PTPRN2: variants seen among roughly 807,000 people sequenced by gnomAD.
PTPRN2 encodes protein tyrosine phosphatase receptor type N2, also known as receptor-type tyrosine-protein phosphatase N2.
PTPRN2 carries 74 observed loss-of-function variants against 118.8 expected under a neutral mutation model. The observed-to-expected ratio is 0.62, with a 90% CI of 0.52 to 0.76. The LOEUF (loss-of-function observed/expected upper bound fraction) is 0.76, where lower values mean the gene tolerates loss of function less well. PTPRN2 is among the 30% of genes least tolerant of loss of function. The pLI, the probability that PTPRN2 is intolerant of heterozygous loss-of-function variation, is 0.00. For missense variants in PTPRN2, 1,481 were observed against 1,394.4 expected (o/e 1.06, Z -0.99); for synonymous variants, 641 against 608.0 (o/e 1.05, Z -0.80).
intron 14 of PTPRN2, among the ~76,000 whole-genome samples, chr7:157,648,990 C>T (rs1805389974): frequency 6.9e-6 from 1 of 145,824 alleles, no homozygotes; most frequent in South Asian, 2.3e-4. Context: ...ATCCACTGTG[C>T]ACTGAACTCG....
At chr7:158,260,035 G>A (rs560638847) in intron 3 of PTPRN2, among the ~76,000 whole-genome samples, 28 of 142,348 alleles carry the variant, frequency 2.0e-4, no homozygotes, top group Non-Finnish European at 3.4e-4. Context: ...ATGTATGTGC[G>A]TTTGTGTGTA....
In PTPRN2 at chr7:157,560,890, A is replaced by G. The variant is rs544672432; in HGVS notation, c.2902+8012T>C. The stretch of plus-strand genomic sequence containing the variant: ...AGACGTCTCCTGCTCAGCTTTCCCA[A>G]TTCTGCCCAGCCCTCGCGTCCCCCT... On this transcript the variant is annotated intron_variant, in intron 21 of 22. Coordinates refer to ENST00000389418, the MANE Select transcript of PTPRN2 (RefSeq NM_002847.5). This position sits in a 1 kb window ranked among gnomAD's most constrained non-coding sequence, Gnocchi z 6.7. Among the ~76,000 whole-genome samples, 6 of 152,154 alleles carry G rather than the reference A, an allele frequency of 3.9e-5. No individual in the cohort carries two copies. The South Asian group carries it at 1.2e-3, about 32-fold the overall frequency.
chr7:158,102,856 A>G (rs1275629960), intron 10 of PTPRN2, among the ~76,000 whole-genome samples: 2 of 152,106 alleles, frequency 1.3e-5, no homozygotes, highest in Non-Finnish European at 2.9e-5. Context: ...CACACGGCTA[A>G]TGTTCTGGGG....
At chr7:157,648,426 G>T (rs1805288580) in intron 14 of PTPRN2, among the ~76,000 whole-genome samples, 3 of 130,810 alleles carry the variant, frequency 2.3e-5, no homozygotes, top group Admixed American at 1.6e-4. Context: ...GAACTCGGTG[G>T]GTCGGACCCA....
intron 12 of PTPRN2, among the ~76,000 whole-genome samples, chr7:157,860,579 G>T (rs190068782): frequency 6.6e-6 from 1 of 152,352 alleles, no homozygotes; most frequent in African/African-American, 2.4e-5. Context: ...CTGTGTGAAC[G>T]CGTTTCCACG....
intron 12 of PTPRN2, among the ~76,000 whole-genome samples, chr7:157,843,057 A>T (rs921524138): frequency 6.6e-6 from 1 of 152,202 alleles, no homozygotes; most frequent in African/African-American, 2.4e-5. Flanking sequence ...CCCCTGTAAA[A>T]TTAAATGTCA....
At position 157,557,760 on chromosome 7, in the gene PTPRN2, T is replaced by A. The variant is rs1798978603; in HGVS notation, c.2903-8741A>T. Reference sequence around the variant, plus strand: ...GCATCTTATTCACTTGAAAATCAAGTAGATCAGAATCATAACAAACTAGCT... The same window carrying A: ...GCATCTTATTCACTTGAAAATCAAGAAGATCAGAATCATAACAAACTAGCT... On this transcript the variant is annotated intron_variant, in intron 21 of 22. Coordinates refer to ENST00000389418, the MANE Select transcript of PTPRN2 (RefSeq NM_002847.5). Among the ~76,000 whole-genome samples the A allele has an allele frequency of 3.3e-5, 5 of 152,262 alleles. No individual in the cohort carries two copies. The South Asian group carries it at 1.0e-3, about 32-fold the overall frequency.
rs569951127 is a variant in PTPRN2, at chr7:157,671,358, G to A, written c.2001+11367C>T. Among the ~76,000 whole-genome samples the A allele has an allele frequency of 9.2e-5, 14 of 152,318 alleles. No homozygotes were observed. Among genetic ancestry groups the A allele is most frequent in the Admixed American group, 8.5e-4 (13 of 15,312 alleles). ...CACCCTACACTGGAGGGATGGTGACGAGACGTCACCGCAGAGGCGGCAGAA... is the reference window on the plus strand; with the variant it reads ...CACCCTACACTGGAGGGATGGTGACAAGACGTCACCGCAGAGGCGGCAGAA... On this transcript the variant is annotated intron_variant, in intron 13 of 22. Coordinates refer to ENST00000389418, the MANE Select transcript of PTPRN2 (RefSeq NM_002847.5). The surrounding 1 kb of genome is among the most constrained non-coding windows in gnomAD (Gnocchi z 4.1).
chr7:158,239,346 C>T (rs953729986), intron 3 of PTPRN2, among the ~76,000 whole-genome samples: 8 of 152,196 alleles, frequency 5.3e-5, no homozygotes, highest in African/African-American at 1.9e-4. Context: ...GTTCAAGTTG[C>T]AGCCAGCAAG....
At chr7:158,470,042 A>G (rs1018916800) in intron 2 of PTPRN2, among the ~76,000 whole-genome samples, 3 of 152,194 alleles carry the variant, frequency 2.0e-5, no homozygotes, top group Admixed American at 2.0e-4. Flanking sequence ...CTAGTGCCTC[A>G]TAAAAGAATT....
intron 3 of PTPRN2, among the ~76,000 whole-genome samples, chr7:158,312,537 CA>C (rs1801916683): frequency 6.6e-6 from 1 of 150,874 alleles, no homozygotes; most frequent in East Asian, 2.0e-4. Flanking sequence ...CCTGCACACA[CA>C]TGTGCTCCAG....
At position 157,578,157 on chromosome 7, in the gene PTPRN2, C is replaced by A; in HGVS notation, c.2497-17G>T. 6.3e-7 allele frequency: 1 copy of A among 1,597,056 alleles called. No individual in the cohort carries two copies. The highest frequency in any genetic ancestry group is 8.6e-7 in the Non-Finnish European group (1 of 1,169,208). On this transcript the variant is annotated splice_polypyrimidine_tract_variant and intron_variant, in intron 17 of 22. Coordinates refer to ENST00000389418, the MANE Select transcript of PTPRN2 (RefSeq NM_002847.5). Reference sequence around the variant, plus strand: ...CCACACCATCTGCGGACAAAGAAGGCCCGTGGCCGCGGTGTGACTGTCTCA... The same window carrying A: ...CCACACCATCTGCGGACAAAGAAGGACCGTGGCCGCGGTGTGACTGTCTCA...
chr7:158,345,533 C>G (rs1807445374), intron 2 of PTPRN2, among the ~76,000 whole-genome samples: 1 of 151,954 alleles, frequency 6.6e-6, no homozygotes, highest in East Asian at 1.9e-4. Flanking sequence ...TCTTCCACCC[C>G]CGTGGAAAAA....
rs1335299565 is a variant in PTPRN2 at position 158,133,752 on chromosome 7, G to A, written c.1481C>T (p.Ala494Val). The A allele has an allele frequency of 3.1e-6, 5 of 1,613,276 alleles. No homozygotes were observed. Among genetic ancestry groups the A allele is most frequent in the Non-Finnish European group, 4.2e-6 (5 of 1,179,552 alleles). ...CTCCAATTGCAGGCCGTCGCTGAGG[G>A]CCTCCTGAGCACCCGCTGGAAGGCT... ...EQSLPAGAQE[A>V]LSDGLQLEVQ... Residue 494 changes from alanine (A) to valine (V), a missense_variant, in exon 9 of 23, where the codon GCC becomes GTC. This residue lies in a region of PTPRN2 where 1,115 missense variants were observed against 994.2 expected (regional missense o/e 1.12). Coordinates refer to ENST00000389418, the MANE Select transcript of PTPRN2 (RefSeq NM_002847.5).
At chr7:158,219,936 T>A (rs1278457485) in intron 3 of PTPRN2, among the ~76,000 whole-genome samples, 3 of 151,478 alleles carry the variant, frequency 2.0e-5, no homozygotes, top group Non-Finnish European at 4.4e-5. Context: ...ACAGCTGAAT[T>A]CTACCAGACA....
Position 158,587,734 on chromosome 7 carries a change from T to C in PTPRN2, c.-65A>G, listed in dbSNP as rs2129453471. On this transcript the variant is annotated 5_prime_UTR_variant, in exon 1 of 23. Coordinates refer to ENST00000389418, the MANE Select transcript of PTPRN2 (RefSeq NM_002847.5). The stretch of plus-strand genomic sequence containing the variant: ...CGGGAGGCGGCGGGAGGCGGCCGAG[T>C]CCGGGCCCAGGGAGGCGCGCGCCGC... 1 of 1,114,108 alleles carries C rather than the reference T, an allele frequency of 9.0e-7. No homozygotes were observed. The allele number at this position is 1,114,108 out of a possible 1,614,324, so 69.0% of individuals were successfully genotyped here. A position where few individuals can be genotyped will look rare whatever the true frequency, so the allele number is the denominator to read the frequency against.
intron 2 of PTPRN2, among the ~76,000 whole-genome samples, chr7:158,340,804 A>C (rs1193668071): frequency 1.2e-5 from 1 of 81,976 alleles, no homozygotes; most frequent in Non-Finnish European, 2.5e-5. Flanking sequence ...GACGTCACTC[A>C]CACCCACACA....
chr7:157,891,754 G>A (rs1485646812), intron 12 of PTPRN2, among the ~76,000 whole-genome samples: 1 of 152,186 alleles, frequency 6.6e-6, no homozygotes, highest in African/African-American at 2.4e-5. Context: ...ACCTTGCTGA[G>A]CCGGAGTGTG....
At chr7:157,884,036 T>C (rs1796322034) in intron 12 of PTPRN2, among the ~76,000 whole-genome samples, 1 of 149,204 alleles carries the variant, frequency 6.7e-6, no homozygotes. Context: ...AAAATGACTG[T>C]CGAAAACCAG....
Sources: allele counts gnomAD v4.1 joint callset (sites outside exome capture counted in the v4.1 genomes callset), GRCh38; gene constraint gnomAD v4.1.1; regional missense constraint gnomAD v4.1.1; non-coding constraint Gnocchi (gnomAD v3.1); transcripts MANE v1.5; gene names NCBI Gene and HGNC (gene_info 2026-07-23, HGNC 2026-07-21).